Variants in PIWIL3 observed in about 807,000 individuals in gnomAD.
The protein encoded by PIWIL3 is piwi-like protein 3.
Under a neutral mutation model 109.7 loss-of-function variants are expected in PIWIL3, and 101 were observed. The observed-to-expected ratio is 0.92, with a 90% CI of 0.78 to 1.09. PIWIL3 has a LOEUF of 1.09. Among genes scored for constraint, PIWIL3 ranks in the 50% least tolerant of loss-of-function variants. The pLI is 0.00. For synonymous variants in PIWIL3, 373 were observed against 376.4 expected (o/e 0.99, Z 0.10); for missense variants, 1,031 against 1,072.6 (o/e 0.96, Z 0.54).
Position 24,749,746 on chromosome 22 carries a change from G to T in PIWIL3, c.1163C>A (p.Thr388Lys). The change falls in exon 10 of 21, where the codon ACG becomes AAG. Residue 388 changes from threonine to lysine, a missense_variant. Transcript: ENST00000616349. ...VSQGRWKKGL[T>K]GTQREPILLI... ...CAGGATAGGTTCACGTTGTGTACCC[G>T]TTAGGCCCTTTTTCCATCTGCCCTG... is the stretch of plus-strand genomic sequence containing the variant. 6.2e-7 allele frequency: 1 copy of T among 1,613,944 alleles called. No individual in the cohort carries two copies. The highest frequency in any genetic ancestry group is 8.5e-7 in the Non-Finnish European group (1 of 1,179,992).
intron 18 of PIWIL3, 54 bp downstream of exon 18, chr22:24,724,818 CACCTTAACCTTCCAA>C (rs1922894890): frequency 1.3e-6 from 2 of 1,510,834 alleles, no homozygotes; most frequent in Non-Finnish European, 1.8e-6. Flanking sequence ...GGGATCTGCC[CACCTTAACCTTCCAA>C]AGTGCTGGGA....
At chr22:24,722,282 CTG>C (rs1922719289) in intron 19 of PIWIL3, among the ~76,000 whole-genome samples, 1 of 152,146 alleles carries the variant, frequency 6.6e-6, no homozygotes, top group African/African-American at 2.4e-5. Flanking sequence ...CGAGGTTTCA[CTG>C]TGTTAGCCAG....
At position 24,719,784 on chromosome 22, in the gene PIWIL3, T is replaced by G. The variant is rs1569093246; in HGVS notation, c.2469A>C (p.Leu823Phe). Residue 823 changes from leucine (L) to phenylalanine (F), a missense_variant, in exon 20 of 21, where the codon TTA becomes TTC. Leu to Phe is a conservative substitution (Grantham distance 22). Transcript: ENST00000616349. Reference protein sequence around the residue: ...IGLSPDTVQRLTYCLCHMYYN... With the variant: ...IGLSPDTVQRFTYCLCHMYYN... The stretch of plus-strand genomic sequence containing the variant: ...AATACATGTGGCATAGACAATATGT[T>G]AAACGCTGTACTGTATCTGGGCTCA... 6.2e-7 allele frequency: 1 copy of G among 1,613,264 alleles called. No individual in the cohort carries two copies. The highest frequency in any genetic ancestry group is 8.5e-7 in the Non-Finnish European group (1 of 1,179,250).
rs755461741 is a variant in PIWIL3, at chr22:24,724,901, G to A, written c.2217C>T (p.Thr739=). The A allele has an allele frequency of 1.9e-6, 3 of 1,613,790 alleles. No individual in the cohort carries two copies. The highest frequency in any genetic ancestry group is 3.3e-5 in the Admixed American group (2 of 60,002). Residue 739 remains threonine (T), a synonymous_variant, in exon 18 of 21, where the codon ACC becomes ACT. Coordinates refer to ENST00000616349, the MANE Select transcript of PIWIL3 (RefSeq NM_001255975.1). ...EAKKMSTYLK[T]ISPNNFTLAF... ...ATACAACCTACTTGTTAGGAGAGAT[G>A]GTTTTTAAGTAGGTCGACATCTTTT...
Position 24,754,810 on chromosome 22 carries a change from C to CT in PIWIL3, c.746dup (p.Lys250GlufsTer47). On this transcript the variant is annotated frameshift_variant, in exon 7 of 21. Transcript: ENST00000616349. LOFTEE classifies it high-confidence loss of function. The stretch of plus-strand genomic sequence containing the variant: ...CATGACGGTATAACTGAATGGCCTT[C>CT]TTTTTGGTATAATAGTTGCGACCAA... 6.2e-7 allele frequency: 1 copy of CT among 1,611,970 alleles called. No homozygotes were observed. The highest frequency in any genetic ancestry group is 8.5e-7 in the Non-Finnish European group (1 of 1,178,202).
Position 24,754,807 on chromosome 22 carries a change from C to A in PIWIL3, c.750G>T (p.Lys250Asn). ...QVGRNYYTKK[K>N]AIQLYRHGTS... is the part of the protein sequence containing the mutation. ...ACCCATGACGGTATAACTGAATGGC[C>A]TTCTTTTTGGTATAATAGTTGCGAC... The change falls in exon 7 of 21, where the codon AAG (lysine) becomes AAT (asparagine). Residue 250 changes from lysine to asparagine, a missense_variant. Transcript: ENST00000616349. The A allele has an allele frequency of 6.2e-7, 1 of 1,611,398 alleles. No homozygotes were observed. The highest frequency in any genetic ancestry group is 8.5e-7 in the Non-Finnish European group (1 of 1,177,688).
At chr22:24,731,843 A>G (rs12168325) in intron 14 of PIWIL3, among the ~76,000 whole-genome samples, 3,164 of 152,048 alleles carry the variant, frequency 0.021, 104 homozygotes, top group African/African-American at 0.067. Flanking sequence ...TCTGCATCTC[A>G]TTATTGGACA....
intron 1 of PIWIL3, among the ~76,000 whole-genome samples, chr22:24,765,611 T>A (rs1378367702): frequency 6.6e-6 from 1 of 152,180 alleles, no homozygotes; most frequent in African/African-American, 2.4e-5. Flanking sequence ...AGTCTATGGA[T>A]AATGAAATAA....
intron 2 of PIWIL3, chr22:24,761,963 T>G (rs1375747953): frequency 2.0e-6 from 2 of 988,332 alleles, no homozygotes; most frequent in East Asian, 2.3e-4. Flanking sequence ...CTATGGATCC[T>G]GCTGTGTGAA....
rs1926319710 is a variant in PIWIL3 at position 24,774,623 on chromosome 22, C to T, written c.-324G>A. 1 of 151,700 alleles carries T rather than the reference C, an allele frequency of 6.6e-6. No individual in the cohort carries two copies. Among genetic ancestry groups the T allele is most frequent in the African/African-American group, 2.4e-5 (1 of 41,230 alleles). The allele number at this position is 151,700 out of a possible 1,614,324, so 9.4% of individuals were successfully genotyped here. On this transcript the variant is annotated 5_prime_UTR_variant, in exon 1 of 21. The change creates a new upstream start codon in the 5' untranslated region. Coordinates refer to ENST00000616349, the MANE Select transcript of PIWIL3 (RefSeq NM_001255975.1). ...GAGATGGAGACCATCCTGGCTAACA[C>T]AGTGAAACCCTATCTCTACTAAAAA... is the stretch of plus-strand genomic sequence containing the variant.
chr22:24,758,095 A>G (rs914169605), intron 3 of PIWIL3, 56 bp from the exon 4 acceptor site: 31 of 1,547,840 alleles, frequency 2.0e-5, no homozygotes, highest in Non-Finnish European at 2.7e-5. Flanking sequence ...AATAGAAAAG[A>G]CAGCATTAAC....
intron 12 of PIWIL3, among the ~76,000 whole-genome samples, chr22:24,748,698 TATTA>T (rs1278988548): frequency 4.6e-5 from 7 of 152,260 alleles, no homozygotes; most frequent in African/African-American, 1.4e-4. Context: ...TTGTCCAGAA[TATTA>T]ATTAGATAGA....
chr22:24,751,370 G>T lies in PIWIL3; in HGVS notation c.1089+17C>A. On this transcript the variant is annotated intron_variant, in intron 9 of 20. Transcript: ENST00000616349. Reference sequence around the variant, plus strand: ...GGTTTACAATTTAAATATATTTAAAGAAATACAGTTTCATACCTGCCTGTA... The same window carrying T: ...GGTTTACAATTTAAATATATTTAAATAAATACAGTTTCATACCTGCCTGTA... The T allele has an allele frequency of 1.3e-6, 2 of 1,572,350 alleles. No individual in the cohort carries two copies. Among genetic ancestry groups the T allele is most frequent in the Non-Finnish European group, 1.7e-6 (2 of 1,160,486 alleles).
rs1043928908 is a variant in PIWIL3, at chr22:24,749,736, T to C, written c.1173A>G (p.Gln391=). The change falls in exon 10 of 21, where the codon CAA becomes CAG. Residue 391 remains glutamine, a synonymous_variant. Transcript: ENST00000616349. ...GRWKKGLTGT[Q]REPILLIPQL... Reference sequence around the variant, plus strand: ...GAGGAATCAGCAGGATAGGTTCACGTTGTGTACCCGTTAGGCCCTTTTTCC... The same window carrying C: ...GAGGAATCAGCAGGATAGGTTCACGCTGTGTACCCGTTAGGCCCTTTTTCC... The C allele has an allele frequency of 1.9e-6, 3 of 1,613,824 alleles. No homozygotes were observed. In the African/African-American group the frequency reaches 4.0e-5, roughly 22 times the overall value.
chr22:24,739,941 C>T (rs907782546), intron 12 of PIWIL3, among the ~76,000 whole-genome samples: 22 of 151,654 alleles, frequency 1.5e-4, no homozygotes, highest in Non-Finnish European at 2.5e-4. Context: ...GTCCCAGCTA[C>T]TCAGGAGGCT....
chr22:24,759,029 G>A (rs1236027012), intron 3 of PIWIL3, among the ~76,000 whole-genome samples: 2 of 152,184 alleles, frequency 1.3e-5, no homozygotes, highest in Non-Finnish European at 1.5e-5. Context: ...TAGTAGCTGG[G>A]ACTACAGGCG....
At chr22:24,733,149 T>G (rs185807267) in intron 14 of PIWIL3, among the ~76,000 whole-genome samples, 28 of 152,184 alleles carry the variant, frequency 1.8e-4, no homozygotes, top group African/African-American at 6.3e-4. Flanking sequence ...CTAGGGGCAA[T>G]TAAAAGAAGA....
At chr22:24,773,283 C>T (rs1014671814) in intron 1 of PIWIL3, among the ~76,000 whole-genome samples, 6 of 152,198 alleles carry the variant, frequency 3.9e-5, no homozygotes, top group African/African-American at 1.4e-4. Context: ...TTTCCATACT[C>T]CTGCCTTCCT....
At chr22:24,729,096 T>G (rs1420545291) in intron 14 of PIWIL3, among the ~76,000 whole-genome samples, 2 of 152,146 alleles carry the variant, frequency 1.3e-5, no homozygotes, top group Admixed American at 6.5e-5. Flanking sequence ...GCGGACTCCA[T>G]GGGAAGTTGC....
Sources: gnomAD v4.1 joint callset for allele counts (sites outside exome capture counted in the v4.1 genomes callset) on GRCh38, gnomAD v4.1.1 for gene constraint, MANE v1.5 for transcripts, NCBI Gene and HGNC (gene_info 2026-07-23, HGNC 2026-07-21) for gene names.